The following ERBB4 variants were observed in gnomAD, a reference collection of about 807,000 sequenced individuals.
ERBB4 encodes erb-b2 receptor tyrosine kinase 4, also known as receptor tyrosine-protein kinase erbB-4.
ERBB4 carries 42 observed loss-of-function variants against 158.0 expected under a neutral mutation model. That is an observed-to-expected ratio of 0.27 (90% CI 0.21 to 0.34). The LOEUF (loss-of-function observed/expected upper bound fraction) is 0.34, where lower values mean the gene tolerates loss of function less well. Among genes scored for constraint, ERBB4 ranks in the 10% least tolerant of loss-of-function variants. The pLI is 1.00. For synonymous variants in ERBB4, 583 were observed against 558.7 expected, an observed-to-expected ratio of 1.04 and a Z score of -0.61; for missense variants, 1,333 against 1,624.1, an observed-to-expected ratio of 0.82 and a Z score of 3.08.
intron 1 of ERBB4, among the ~76,000 whole-genome samples, chr2:212,141,362 C>G (rs1279090008): frequency 6.6e-6 from 1 of 151,936 alleles, no homozygotes; most frequent in Non-Finnish European, 1.5e-5. Flanking sequence ...TGGTTCCCTC[C>G]ATTTGTGACC....
chr2:211,997,239 T>C (rs1185601596), intron 2 of ERBB4, among the ~76,000 whole-genome samples: 1 of 152,156 alleles, frequency 6.6e-6, no homozygotes, highest in East Asian at 1.9e-4. Flanking sequence ...CCTTCCAGAA[T>C]TCATAGGAAG....
chr2:211,491,877 T>A (rs1335433569), intron 20 of ERBB4, among the ~76,000 whole-genome samples: 1 of 152,050 alleles, frequency 6.6e-6, no homozygotes, highest in Non-Finnish European at 1.5e-5. Flanking sequence ...TTAATGGTAA[T>A]GATAATGTTA....
intron 2 of ERBB4, among the ~76,000 whole-genome samples, chr2:211,983,234 G>C (rs1047422797): frequency 3.9e-4 from 60 of 152,148 alleles, no homozygotes; most frequent in African/African-American, 1.4e-3. Context: ...TGGAGGCAGA[G>C]GCAGTGGGGT....
chr2:211,473,233 C>T (rs2064874184), intron 20 of ERBB4, among the ~76,000 whole-genome samples: 2 of 151,808 alleles, frequency 1.3e-5, no homozygotes, highest in Admixed American at 1.3e-4. Flanking sequence ...TTAATGAGGC[C>T]ACCAGCCAAG....
At chr2:212,460,282 T>C (rs180756682) in intron 1 of ERBB4, among the ~76,000 whole-genome samples, 3 of 152,130 alleles carry the variant, frequency 2.0e-5, no homozygotes, top group Admixed American at 1.3e-4. Context: ...TTGGTACCAG[T>C]AGAGTGAGGC....
intron 25 of ERBB4, among the ~76,000 whole-genome samples, chr2:211,413,544 C>T (rs2063315447): frequency 6.6e-6 from 1 of 151,976 alleles, no homozygotes; most frequent in African/African-American, 2.4e-5. Context: ...AAGTAGCAGC[C>T]GTTGTTAGAA....
intron 3 of ERBB4, among the ~76,000 whole-genome samples, chr2:211,909,509 C>T (rs918239304): frequency 5.3e-5 from 8 of 151,708 alleles, no homozygotes; most frequent in Non-Finnish European, 1.2e-4. Flanking sequence ...TAAATCCGTA[C>T]ATTATGGTAT....
intron 3 of ERBB4, among the ~76,000 whole-genome samples, chr2:211,836,706 T>G (rs990482984): frequency 2.0e-5 from 3 of 152,070 alleles, no homozygotes; most frequent in African/African-American, 7.2e-5. Flanking sequence ...AAGCAAGCCC[T>G]TCTATGAATA....
At chr2:212,490,157 G>A (rs1409129941) in intron 1 of ERBB4, among the ~76,000 whole-genome samples, 1 of 151,642 alleles carries the variant, frequency 6.6e-6, no homozygotes, top group African/African-American at 2.4e-5. Context: ...CCTGGGTGTG[G>A]GATGACTAAT....
chr2:211,415,242 G>A lies in ERBB4; in HGVS notation c.3135+5199C>T, dbSNP rs534636657. On this transcript the variant is annotated intron_variant, in intron 25 of 27. Coordinates refer to ENST00000342788, the MANE Select transcript of ERBB4 (RefSeq NM_005235.3). ...CGCCATTCTCCTGCCTCAGCCTCCCGAGTAGCCGGGACCACAGGCGCCCGC... is the reference window on the plus strand; with the variant it reads ...CGCCATTCTCCTGCCTCAGCCTCCCAAGTAGCCGGGACCACAGGCGCCCGC... Among the ~76,000 whole-genome samples, 46 of 147,338 alleles carry A rather than the reference G, an allele frequency of 3.1e-4. 1 individual carries two copies. The East Asian group carries it at 6.9e-3, about 22-fold the overall frequency.
chr2:211,604,760 T>C (rs891092635), intron 19 of ERBB4, among the ~76,000 whole-genome samples: 5 of 152,220 alleles, frequency 3.3e-5, no homozygotes, highest in Non-Finnish European at 7.3e-5. Flanking sequence ...AGCACTGCCT[T>C]GTTTTGAATG....
At chr2:211,540,735 A>AT (rs11420459) in intron 20 of ERBB4, among the ~76,000 whole-genome samples, 74,324 of 150,432 alleles carry the variant, frequency 0.49, 18,622 homozygotes, top group East Asian at 0.72. Context: ...CTAGAGAAAT[A>AT]TTTTTTTTTC....
intron 1 of ERBB4, among the ~76,000 whole-genome samples, chr2:212,473,875 T>C (rs1689238379): frequency 6.6e-6 from 1 of 152,100 alleles, no homozygotes. Context: ...ATTATGAAAA[T>C]AACCTTTCAT....
chr2:212,292,546 A>G (rs1331537177), intron 1 of ERBB4, among the ~76,000 whole-genome samples: 1 of 152,064 alleles, frequency 6.6e-6, no homozygotes, highest in Non-Finnish European at 1.5e-5. Flanking sequence ...TATTAAAATT[A>G]GTTTAGATCT....
At chr2:212,447,231 T>C (rs936959359) in intron 1 of ERBB4, among the ~76,000 whole-genome samples, 8 of 152,082 alleles carry the variant, frequency 5.3e-5, no homozygotes, top group Non-Finnish European at 1.2e-4. Flanking sequence ...TCTCCTGACC[T>C]TGTGATTCGT....
At chr2:211,944,185 A>AC (rs1553517882) in intron 3 of ERBB4, among the ~76,000 whole-genome samples, 2 of 45,514 alleles carry the variant, frequency 4.4e-5, no homozygotes, top group Non-Finnish European at 8.8e-5. Context: ...TACTATATAT[A>AC]TATATATATA....
chr2:211,898,542 CA>C lies in ERBB4; in HGVS notation c.421+48887del, dbSNP rs1279830972. 3.9e-5 allele frequency among the ~76,000 whole-genome samples: 6 copies of C among 152,200 alleles called. No homozygotes were observed. The South Asian group carries it at 1.0e-3, about 26-fold the overall frequency. ...TTCTAAAAACTATTTGACGTCTATT[CA>C]AAAACCATTTTCTGCACTTAAAGTG... is the stretch of plus-strand genomic sequence containing the variant. On this transcript the variant is annotated intron_variant, in intron 3 of 27. Transcript: ENST00000342788.
At chr2:211,975,017 T>C (rs1380886802) in intron 2 of ERBB4, among the ~76,000 whole-genome samples, 1 of 152,040 alleles carries the variant, frequency 6.6e-6, no homozygotes, top group Non-Finnish European at 1.5e-5. Flanking sequence ...AGAGCCTTGC[T>C]CTGTCACTCA....
chr2:211,905,681 T>TATATATATAC (rs1480195605), intron 3 of ERBB4, among the ~76,000 whole-genome samples: 46 of 110,620 alleles, frequency 4.2e-4, no homozygotes, highest in East Asian at 3.9e-3. Context: ...TATATATATA[T>TATATATATAC]ACACACATAT....
Sources: allele counts gnomAD v4.1 joint callset (sites outside exome capture counted in the v4.1 genomes callset), GRCh38; gene constraint gnomAD v4.1.1; transcripts MANE v1.5; gene names NCBI Gene and HGNC (gene_info 2026-07-23, HGNC 2026-07-21).